GSE1: variants seen among roughly 807,000 people sequenced by gnomAD.
GSE1 encodes genetic suppressor element 1.
In GSE1, 32 loss-of-function variants were observed where a neutral mutation model predicts 112.6. The observed-to-expected ratio is 0.28, with a 90% confidence interval of 0.21 to 0.38. The LOEUF is 0.38. GSE1 is among the 10% of genes least tolerant of loss of function. The pLI, the probability that GSE1 is intolerant of heterozygous loss-of-function variation, is 1.00. For synonymous variants in GSE1, 1,115 were observed against 735.6 expected (o/e 1.52, Z -8.35); for missense variants, 2,348 against 1,699.2 (o/e 1.38, Z -6.71).
chr16:85,491,227 G>T (rs1756737640), intron 2 of GSE1, among the ~76,000 whole-genome samples: 1 of 152,154 alleles, frequency 6.6e-6, no homozygotes, highest in Non-Finnish European at 1.5e-5. Flanking sequence ...CTCAATTCAG[G>T]CCTCTGGGTG....
At chr16:85,461,348 G>A (rs1335813858) in intron 2 of GSE1, among the ~76,000 whole-genome samples, 1 of 152,190 alleles carries the variant, frequency 6.6e-6, no homozygotes, top group African/African-American at 2.4e-5. Context: ...CTATGCCCTG[G>A]GGGACAACCC....
At chr16:85,271,571 C>T (rs561407313) in intron 1 of GSE1, among the ~76,000 whole-genome samples, 14 of 152,316 alleles carry the variant, frequency 9.2e-5, no homozygotes, top group African/African-American at 3.1e-4. Flanking sequence ...CTGGTGAGGC[C>T]TTTGCAGCCC....
intron 2 of GSE1, among the ~76,000 whole-genome samples, chr16:85,359,853 C>T (rs1403274945): frequency 3.3e-5 from 5 of 152,030 alleles, no homozygotes; most frequent in Admixed American, 6.5e-5. Flanking sequence ...AACCCCCAGG[C>T]GAAACTCTGT....
chr16:85,537,880 A>G (rs768216562), intron 2 of GSE1, among the ~76,000 whole-genome samples: 1 of 152,206 alleles, frequency 6.6e-6, no homozygotes, highest in African/African-American at 2.4e-5. Flanking sequence ...GTTTGAGTAC[A>G]GGCTGGGATA....
At chr16:85,329,835 G>A (rs1051375693) in intron 1 of GSE1, among the ~76,000 whole-genome samples, 4 of 150,792 alleles carry the variant, frequency 2.7e-5, no homozygotes, top group Non-Finnish European at 4.4e-5. Context: ...GGACGGGAGG[G>A]GAGGGAATGT....
At chr16:85,527,562 C>T (rs887945427) in intron 2 of GSE1, among the ~76,000 whole-genome samples, 1 of 152,266 alleles carries the variant, frequency 6.6e-6, no homozygotes, top group Non-Finnish European at 1.5e-5. Flanking sequence ...TTACTTCCTA[C>T]GCACCCGCGC....
In GSE1 at chr16:85,181,551, A is replaced by G. The variant is rs77800119; in HGVS notation, c.2283+9744A>G. Among the ~76,000 whole-genome samples the G allele has an allele frequency of 1.4e-3, 220 of 152,350 alleles. 7 individuals carry two copies. The East Asian group carries it at 0.036, about 25-fold the overall frequency. On this transcript the variant is annotated intron_variant, in intron 1 of 2. Coordinates refer to the GSE1 transcript ENST00000637419. Reference sequence around the variant, plus strand: ...TGCTCTCTCGCATCAGCTTTCAGAAAGGCTCTCAGTTCCGGAGGGAGAGGG... The same window carrying G: ...TGCTCTCTCGCATCAGCTTTCAGAAGGGCTCTCAGTTCCGGAGGGAGAGGG...
chr16:85,536,396 G>A lies in GSE1; in HGVS notation c.2465-97518G>A, dbSNP rs72801153. 7.3e-3 allele frequency among the ~76,000 whole-genome samples: 1,116 copies of A among 152,344 alleles called. 12 individuals are homozygous for A. The highest frequency in any genetic ancestry group is 0.011 in the Non-Finnish European group (737 of 68,026). ...ATCCAGAAGCTCCAGGAGGCAGGACGGTCGGCCAAGCAGCCTCTAGTTCCC... is the reference window on the plus strand; with the variant it reads ...ATCCAGAAGCTCCAGGAGGCAGGACAGTCGGCCAAGCAGCCTCTAGTTCCC... On this transcript the variant is annotated intron_variant, in intron 2 of 2. Coordinates refer to the GSE1 transcript ENST00000637419.
chr16:85,568,288 G>C (rs1004632320), intron 1 of GSE1, among the ~76,000 whole-genome samples: 1 of 152,212 alleles, frequency 6.6e-6, no homozygotes, highest in African/African-American at 2.4e-5. Flanking sequence ...TTGTGCCCTG[G>C]TGGGGAGGCT....
chr16:85,572,844 A>G (rs2046066233), intron 1 of GSE1, among the ~76,000 whole-genome samples: 1 of 152,182 alleles, frequency 6.6e-6, no homozygotes, highest in Non-Finnish European at 1.5e-5. Flanking sequence ...GAGAACCTGC[A>G]GATGATCAAG....
At chr16:85,520,931 G>T (rs1044559688) in intron 2 of GSE1, among the ~76,000 whole-genome samples, 1 of 152,188 alleles carries the variant, frequency 6.6e-6, no homozygotes, top group Non-Finnish European at 1.5e-5. Flanking sequence ...CTGACAGCTG[G>T]CCAGCACTGC....
At chr16:85,280,763 C>T (rs1044308074) in intron 1 of GSE1, among the ~76,000 whole-genome samples, 1 of 152,212 alleles carries the variant, frequency 6.6e-6, no homozygotes, top group African/African-American at 2.4e-5. Context: ...AAAATGTCAC[C>T]TTTGCCTCCT....
At position 85,675,381 on chromosome 16, in the gene GSE1, G is replaced by A. The variant is rs1434522858; in HGVS notation, c.*2842G>A. 1 of 152,154 alleles carries A rather than the reference G, an allele frequency of 6.6e-6. No homozygotes were observed. Among genetic ancestry groups the A allele is most frequent in the Non-Finnish European group, 1.5e-5 (1 of 68,030 alleles). The allele number at this position is 152,154 out of a possible 1,614,324, so 9.4% of individuals were successfully genotyped here. ...AAACAAGTTATTTTTGCTTCATATA[G>A]TCAGAGTCAGACTGACATGATAAAA... is the stretch of plus-strand genomic sequence containing the variant. On this transcript the variant is annotated 3_prime_UTR_variant, in exon 16 of 16. Coordinates refer to ENST00000253458, the MANE Select transcript of GSE1 (RefSeq NM_014615.5).
chr16:85,499,502 G>A (rs1053287251), intron 2 of GSE1, among the ~76,000 whole-genome samples: 1 of 151,704 alleles, frequency 6.6e-6, no homozygotes, highest in African/African-American at 2.4e-5. Context: ...AGTAGAGACG[G>A]GATTTCACCG....
In GSE1 at chr16:85,246,473, A is replaced by ACACACACACACACACACCCCACACGCTG. The variant is rs1905817397; in HGVS notation, c.2283+74683_2283+74684insCCCACACGCTGCACACACACACACACAC. Among the ~76,000 whole-genome samples the ACACACACACACACACACCCCACACGCTG allele has an allele frequency of 1.2e-4, 3 of 25,386 alleles. 1 individual carries two copies. Among genetic ancestry groups the ACACACACACACACACACCCCACACGCTG allele is most frequent in the African/African-American group, 2.4e-4 (3 of 12,544 alleles). 16.7% of individuals were successfully genotyped at this position (25,386 alleles called of 152,430 possible). ...CACACACACACACCCCACACGCTGC[A>ACACACACACACACACACCCCACACGCTG]CACACACACACACACACACTCTACA... On this transcript the variant is annotated intron_variant, in intron 1 of 2. Transcript: ENST00000637419.
chr16:85,623,196 G>T (rs1040997911), intron 1 of GSE1, among the ~76,000 whole-genome samples: 11 of 151,564 alleles, frequency 7.3e-5, no homozygotes, highest in Non-Finnish European at 1.5e-4. Context: ...AGGGTAAAAG[G>T]CTGGCCCCTT....
chr16:85,650,922 G>T (rs138841563), intron 3 of GSE1, among the ~76,000 whole-genome samples: 1,926 of 152,074 alleles, frequency 0.013, 41 homozygotes, highest in African/African-American at 0.044. Flanking sequence ...TGGGAGCTGC[G>T]AGAGGAGAAA....
chr16:85,487,148 C>T (rs549559773), intron 2 of GSE1, among the ~76,000 whole-genome samples: 20 of 152,246 alleles, frequency 1.3e-4, no homozygotes, highest in African/African-American at 4.1e-4. Flanking sequence ...GGAAGCAAAA[C>T]GGGAGCAGAA....
chr16:85,498,428 C>G (rs1410498419), intron 2 of GSE1, among the ~76,000 whole-genome samples: 1 of 152,080 alleles, frequency 6.6e-6, no homozygotes, highest in African/African-American at 2.4e-5. Flanking sequence ...CAGACACACA[C>G]GGACACACAG....
Sources: allele counts gnomAD v4.1 joint callset (sites outside exome capture counted in the v4.1 genomes callset), GRCh38; gene constraint gnomAD v4.1.1; transcripts MANE v1.5; gene names NCBI Gene and HGNC (gene_info 2026-07-23, HGNC 2026-07-21).